The following JAK2 variants were observed in gnomAD, a reference collection of about 807,000 sequenced individuals.
JAK2 encodes the protein Janus kinase 2.
JAK2 carries 86 observed loss-of-function variants against 139.3 expected under a neutral mutation model. The observed-to-expected ratio is 0.62, with a 90% CI of 0.52 to 0.74. The LOEUF (loss-of-function observed/expected upper bound fraction) is 0.74, where lower values mean the gene tolerates loss of function less well. Ranked by LOEUF, JAK2 falls within the 30% of genes least tolerant of loss-of-function variation. The pLI, the probability that JAK2 is intolerant of heterozygous loss-of-function variation, is 0.00. For missense variants in JAK2, 1,421 were observed against 1,360.3 expected, an observed-to-expected ratio of 1.04 and a Z score of -0.70; for synonymous variants, 490 against 437.7, an observed-to-expected ratio of 1.12 and a Z score of -1.49.
chr9:5,094,257 C>A (rs1032543628), intron 22 of JAK2: 3 of 152,250 alleles, frequency 2.0e-5, no homozygotes, highest in African/African-American at 7.2e-5. Flanking sequence ...AGAACCCTTA[C>A]GACCCTCAAC....
At chr9:4,989,971 T>C (rs1191614019) in intron 2 of JAK2, among the ~76,000 whole-genome samples, 1 of 152,202 alleles carries the variant, frequency 6.6e-6, no homozygotes, top group Non-Finnish European at 1.5e-5. Flanking sequence ...CTGAAATAAG[T>C]ATTTTAGGAA....
chr9:5,119,097 A>G (rs963572022), intron 22 of JAK2, among the ~76,000 whole-genome samples: 1 of 152,200 alleles, frequency 6.6e-6, no homozygotes, highest in African/African-American at 2.4e-5. Flanking sequence ...TGATTTAAAC[A>G]CAGCAAACCT....
intron 4 of JAK2, chr9:5,041,903 T>C (rs1483850099): frequency 2.5e-6 from 1 of 408,142 alleles, no homozygotes; most frequent in Non-Finnish European, 4.7e-6. Flanking sequence ...CCTGCAGAGA[T>C]GGAGGTGGGC....
rs1257673611 is a variant in JAK2 at position 5,054,516 on chromosome 9, A to G, written c.615-47A>G. 4 of 1,439,270 alleles carry G rather than the reference A, an allele frequency of 2.8e-6. No homozygotes were observed. The Admixed American group carries it at 6.7e-5, about 24-fold the overall frequency. The allele number at this position is 1,439,270 out of a possible 1,614,324, so 89.2% of individuals were successfully genotyped here. A position where few individuals can be genotyped will look rare whatever the true frequency, so the allele number is the denominator to read the frequency against. On this transcript the variant is annotated intron_variant, in intron 6 of 24. Coordinates refer to ENST00000381652, the MANE Select transcript of JAK2 (RefSeq NM_004972.4). The surrounding 1 kb of genome is among the most constrained non-coding windows in gnomAD (Gnocchi z 4.9). ...TTTTCAATTTTTAGATTTATCTTCCAATTTTTGTTTTGTTTTGTTTTTCTG... is the reference window on the plus strand; with the variant it reads ...TTTTCAATTTTTAGATTTATCTTCCGATTTTTGTTTTGTTTTGTTTTTCTG...
At chr9:5,064,795 A>G in intron 8 of JAK2, 88 bp from the exon 9 acceptor site, 1 of 971,256 alleles carries the variant, frequency 1.0e-6, no homozygotes, top group East Asian at 2.5e-5. Context: ...AGAAAATTGT[A>G]TTTAACATGG....
chr9:5,043,016 C>G (rs1014114629), intron 4 of JAK2, among the ~76,000 whole-genome samples: 1 of 152,194 alleles, frequency 6.6e-6, no homozygotes, highest in Non-Finnish European at 1.5e-5. Context: ...TCGCGCGGCT[C>G]GGCCCCTGGG....
At chr9:4,996,928 CTTTTTTTTTT>C (rs1166992356) in intron 2 of JAK2, among the ~76,000 whole-genome samples, 2 of 94,708 alleles carry the variant, frequency 2.1e-5, no homozygotes, top group African/African-American at 8.9e-5. Context: ...TTAGTTTGTT[CTTTTTTTTTT>C]TTTTTTTTTT....
At chr9:5,045,945 T>C (rs958486158) in intron 5 of JAK2, among the ~76,000 whole-genome samples, 1 of 152,192 alleles carries the variant, frequency 6.6e-6, no homozygotes, top group African/African-American at 2.4e-5. Context: ...TTTATAATTT[T>C]TTTTGAGGAA....
intron 22 of JAK2, among the ~76,000 whole-genome samples, chr9:5,117,559 G>C (rs1476472361): frequency 6.6e-6 from 1 of 152,034 alleles, no homozygotes; most frequent in Non-Finnish European, 1.5e-5. Context: ...ACATTGAAGA[G>C]ACTTGCAAAA....
At chr9:5,065,162 A>G in intron 9 of JAK2, 122 bp downstream of exon 9, 1 of 546,500 alleles carries the variant, frequency 1.8e-6, no homozygotes, top group Non-Finnish European at 2.9e-6. Context: ...TTTTTTAAAC[A>G]AAAGGCTATT....
intron 2 of JAK2, among the ~76,000 whole-genome samples, chr9:4,999,727 G>A (rs1239128254): frequency 2.6e-5 from 4 of 152,276 alleles, no homozygotes; most frequent in Middle Eastern, 3.4e-3. Context: ...AGGATTACAG[G>A]CGTGAGCCCC....
At chr9:5,045,011 G>C (rs563724961) in intron 5 of JAK2, among the ~76,000 whole-genome samples, 81 of 152,228 alleles carry the variant, frequency 5.3e-4, no homozygotes, top group African/African-American at 1.8e-3. Flanking sequence ...TAGTCTAAGA[G>C]CTATATTCAA....
At chr9:5,041,506 C>T (rs1460265113) in intron 4 of JAK2, 7 of 570,628 alleles carry the variant, frequency 1.2e-5, no homozygotes, top group Non-Finnish European at 1.7e-5. Flanking sequence ...ATCGGGGACA[C>T]ATAGCGCGCC....
At chr9:5,077,323 A>G (rs1819372826) in intron 14 of JAK2, 130 bp from the exon 15 acceptor site, 1 of 320,804 alleles carries the variant, frequency 3.1e-6, no homozygotes, top group Admixed American at 5.1e-5. Flanking sequence ...AGTTTTCTTT[A>G]AAGTTGTGAG....
intron 22 of JAK2, chr9:5,098,332 T>C (rs988683497): frequency 5.9e-5 from 9 of 152,214 alleles, no homozygotes; most frequent in African/African-American, 2.2e-4. Context: ...CTAAATCCTA[T>C]ATGTCTTAAT....
In JAK2 at chr9:5,005,926, G is replaced by A. The variant is rs186278384; in HGVS notation, c.-25-16037G>A. Among the ~76,000 whole-genome samples, 527 of 152,262 alleles carry A rather than the reference G, an allele frequency of 3.5e-3. 1 individual carries two copies. The highest frequency in any genetic ancestry group is 5.2e-3 in the Admixed American group (80 of 15,298). On this transcript the variant is annotated intron_variant, in intron 2 of 24. Coordinates refer to ENST00000381652, the MANE Select transcript of JAK2 (RefSeq NM_004972.4). Reference sequence around the variant, plus strand: ...GTAGTATAGTTTGAAGTCAGGTAGCGTGATGCCTCCAGCTTTGTTCTTTTG... The same window carrying A: ...GTAGTATAGTTTGAAGTCAGGTAGCATGATGCCTCCAGCTTTGTTCTTTTG...
At chr9:5,048,302 C>A (rs544386910) in intron 5 of JAK2, among the ~76,000 whole-genome samples, 1 of 151,868 alleles carries the variant, frequency 6.6e-6, no homozygotes, top group Non-Finnish European at 1.5e-5. Flanking sequence ...CCACTACGCC[C>A]GGCTAATTTT....
intron 19 of JAK2, among the ~76,000 whole-genome samples, chr9:5,082,241 G>C (rs977347274): frequency 6.6e-6 from 1 of 152,216 alleles, no homozygotes; most frequent in African/African-American, 2.4e-5. Context: ...CTCAGCAAGA[G>C]GAATGCGGCA....
At chr9:5,032,135 G>A (rs1243591213) in intron 4 of JAK2, among the ~76,000 whole-genome samples, 4 of 152,236 alleles carry the variant, frequency 2.6e-5, no homozygotes, top group African/African-American at 7.2e-5. Context: ...CTACGCCCAC[G>A]GAGCCTCGCT....
Sources: allele counts gnomAD v4.1 joint callset (sites outside exome capture counted in the v4.1 genomes callset), GRCh38; gene constraint gnomAD v4.1.1; non-coding constraint Gnocchi (gnomAD v3.1); transcripts MANE v1.5; gene names NCBI Gene and HGNC (gene_info 2026-07-23, HGNC 2026-07-21).